CEP63: variants seen among roughly 807,000 people sequenced by gnomAD.
The protein encoded by CEP63 is centrosomal protein 63.
In CEP63, 84 loss-of-function variants were observed where a neutral mutation model predicts 89.1. The observed-to-expected ratio is 0.94, with a 90% CI of 0.79 to 1.13. The LOEUF is 1.13. Among genes scored for constraint, CEP63 ranks in the 50% most tolerant of loss-of-function variants. The pLI, the probability that CEP63 is intolerant of heterozygous loss-of-function variation, is 0.00. For missense variants in CEP63, 838 were observed against 813.3 expected (o/e 1.03, Z -0.37); for synonymous variants, 267 against 272.5 (o/e 0.98, Z 0.20).
the CEP63 span, chr3:134,604,187 G>T: frequency 6.2e-6 from 10 of 1,611,392 alleles, no homozygotes; most frequent in South Asian, 9.9e-5. Context: ...ATGCCCATCT[G>T]CTCCGAGAAC....
the CEP63 span, among the ~76,000 whole-genome samples, chr3:134,731,184 A>G: frequency 6.6e-6 from 1 of 152,172 alleles, no homozygotes; most frequent in Non-Finnish European, 1.5e-5. Context: ...GAAATTTTTG[A>G]CATCCCTCTC....
chr3:134,721,432 C>G, the CEP63 span, among the ~76,000 whole-genome samples: 1 of 151,994 alleles, frequency 6.6e-6, no homozygotes, highest in Non-Finnish European at 1.5e-5. Flanking sequence ...ATTTTACTTC[C>G]TCCTTTCTAA....
the CEP63 span, among the ~76,000 whole-genome samples, chr3:134,776,337 T>G: frequency 6.6e-6 from 1 of 152,234 alleles, no homozygotes; most frequent in African/African-American, 2.4e-5. Flanking sequence ...TTTAATATTA[T>G]TTAACTCAAT....
intron 1 of CEP63, chr3:134,486,636 C>A: frequency 4.0e-6 from 3 of 754,044 alleles, no homozygotes; most frequent in Non-Finnish European, 4.9e-6. Flanking sequence ...CCCAGTGCGG[C>A]CTCCCTGCCA....
intron 8 of CEP63, among the ~76,000 whole-genome samples, chr3:134,546,956 TAGC>T (rs1953499534): frequency 6.6e-6 from 1 of 152,228 alleles, no homozygotes; most frequent in African/African-American, 2.4e-5. Context: ...TTATCATTAA[TAGC>T]AGCCAGCCAT....
the CEP63 span, among the ~76,000 whole-genome samples, chr3:134,667,435 C>T: frequency 6.0e-3 from 919 of 152,278 alleles, 5 homozygotes; most frequent in Non-Finnish European, 9.5e-3. Flanking sequence ...TCACAGTCTT[C>T]AGAACAAAGC....
the CEP63 span, chr3:134,627,758 T>C: frequency 3.1e-6 from 5 of 1,613,542 alleles, no homozygotes; most frequent in African/African-American, 1.3e-5. Flanking sequence ...GAACTTACCA[T>C]GGGCATCTTT....
chr3:134,766,244 G>T, the CEP63 span, among the ~76,000 whole-genome samples: 2 of 152,174 alleles, frequency 1.3e-5, no homozygotes, highest in Non-Finnish European at 2.9e-5. Flanking sequence ...AGCTCTGATG[G>T]TAGAGGGTCA....
At chr3:134,636,698 G>T in the CEP63 span, among the ~76,000 whole-genome samples, 1 of 152,228 alleles carries the variant, frequency 6.6e-6, no homozygotes, top group Non-Finnish European at 1.5e-5. Flanking sequence ...GCTCGTAAAT[G>T]CTTATTGTCT....
the CEP63 span, chr3:134,608,281 G>T: frequency 2.5e-6 from 3 of 1,210,268 alleles, no homozygotes; most frequent in Admixed American, 3.5e-5. Flanking sequence ...CCTGCTATGT[G>T]AACTGAGAGA....
the CEP63 span, among the ~76,000 whole-genome samples, chr3:134,777,483 G>C: frequency 6.6e-6 from 1 of 151,798 alleles, no homozygotes; most frequent in Admixed American, 6.6e-5. Flanking sequence ...TACTGGACTT[G>C]TCTAATTAAC....
the CEP63 span, among the ~76,000 whole-genome samples, chr3:134,738,840 C>T: frequency 2.0e-3 from 299 of 152,144 alleles, 6 homozygotes; most frequent in East Asian, 0.046. Context: ...ATCTTAATAG[C>T]GTTTCTCTAA....
the CEP63 span, among the ~76,000 whole-genome samples, chr3:134,769,374 G>A: frequency 6.6e-6 from 1 of 152,240 alleles, no homozygotes; most frequent in Admixed American, 6.5e-5. Flanking sequence ...CCTGTTTGAG[G>A]GCCACTGGTG....
At chr3:134,635,493 TAAA>T in the CEP63 span, among the ~76,000 whole-genome samples, 33 of 79,334 alleles carry the variant, frequency 4.2e-4, no homozygotes, top group African/African-American at 1.3e-3. Context: ...CGAGACTCTG[TAAA>T]AAAAAAAAAA....
At chr3:134,629,241 TG>T in the CEP63 span, among the ~76,000 whole-genome samples, 6 of 152,204 alleles carry the variant, frequency 3.9e-5, no homozygotes, top group Non-Finnish European at 8.8e-5. Flanking sequence ...ATCTAAAAAG[TG>T]GGGATGATAT....
At chr3:134,747,796 C>A in the CEP63 span, among the ~76,000 whole-genome samples, 4 of 152,044 alleles carry the variant, frequency 2.6e-5, no homozygotes, top group East Asian at 3.9e-4. Context: ...TTCTTTCTTT[C>A]TTTTTTTGAG....
the CEP63 span, among the ~76,000 whole-genome samples, chr3:134,762,030 T>C: frequency 6.6e-6 from 1 of 152,170 alleles, no homozygotes; most frequent in Non-Finnish European, 1.5e-5. Context: ...TTGGGCAGAA[T>C]GAGAGGTAAG....
At chr3:134,647,980 C>A in the CEP63 span, among the ~76,000 whole-genome samples, 1 of 152,184 alleles carries the variant, frequency 6.6e-6, no homozygotes, top group Non-Finnish European at 1.5e-5. Flanking sequence ...AGAGGGTAAA[C>A]ACGTATGGCC....
chr3:134,681,827 TGTGA>T, the CEP63 span, among the ~76,000 whole-genome samples: 9 of 152,356 alleles, frequency 5.9e-5, no homozygotes, highest in Non-Finnish European at 1.2e-4. Context: ...CACTCTATGA[TGTGA>T]GTATCACTGC....
Sources: allele counts gnomAD v4.1 joint callset (sites outside exome capture counted in the v4.1 genomes callset), GRCh38; gene constraint gnomAD v4.1.1; transcripts MANE v1.5; gene names NCBI Gene and HGNC (gene_info 2026-07-23, HGNC 2026-07-21).